GPR19: variants seen among roughly 807,000 people sequenced by gnomAD.
GPR19 encodes probable G protein-coupled receptor 19.
Under a neutral mutation model 28.5 loss-of-function variants are expected in GPR19, and 14 were observed. That is an observed-to-expected ratio of 0.49 (90% CI 0.32 to 0.77). The LOEUF (loss-of-function observed/expected upper bound fraction) is 0.77. Among genes scored for constraint, GPR19 ranks in the 30% least tolerant of loss-of-function variants. The probability of loss-of-function intolerance (pLI) is 0.03; values close to 1 mark genes in which losing one functional copy is unlikely to be tolerated. For missense variants in GPR19, 409 were observed against 504.1 expected (o/e 0.81, Z 1.81); for synonymous variants, 173 against 184.1 (o/e 0.94, Z 0.49).
At chr12:12,694,072 G>A (rs1160370788) in intron 2 of GPR19, among the ~76,000 whole-genome samples, 1 of 151,788 alleles carries the variant, frequency 6.6e-6, no homozygotes, top group Non-Finnish European at 1.5e-5. Context: ...AAGTACTGAT[G>A]TCTGGGCTCC....
the GPR19 span, chr12:12,717,136 G>A: frequency 1.3e-5 from 13 of 1,022,390 alleles, no homozygotes; most frequent in Non-Finnish European, 4.7e-6. Context: ...TAATTTCTCC[G>A]AGGCCAGCCA....
In GPR19 at chr12:12,660,983, A is replaced by G; in HGVS notation, c.*218T>C. The stretch of plus-strand genomic sequence containing the variant: ...GCATGTAACTAATATATTAATAGTA[A>G]AAGGACTGTTGGCTAAAGTTCAAAG... On this transcript the variant is annotated 3_prime_UTR_variant, in exon 4 of 4. Transcript: ENST00000651487. 2.1e-6 allele frequency: 1 copy of G among 477,896 alleles called. No homozygotes were observed. Among genetic ancestry groups the G allele is most frequent in the Non-Finnish European group, 3.7e-6 (1 of 273,436 alleles). 29.6% of individuals were successfully genotyped at this position (477,896 alleles called of 1,614,324 possible). A position where few individuals can be genotyped will look rare whatever the true frequency, so the allele number is the denominator to read the frequency against.
chr12:12,713,174 C>T, the GPR19 span, among the ~76,000 whole-genome samples: 1 of 150,928 alleles, frequency 6.6e-6, no homozygotes, highest in Non-Finnish European at 1.5e-5. Context: ...AAGCAATTCT[C>T]CTGCCTCAGC....
chr12:12,667,093 G>A (rs1238136722), intron 3 of GPR19, among the ~76,000 whole-genome samples: 2 of 152,164 alleles, frequency 1.3e-5, no homozygotes, highest in Non-Finnish European at 2.9e-5. Context: ...CTTCAAGGGG[G>A]TGTTTCTGAA....
chr12:12,661,999 A>C lies in GPR19; in HGVS notation c.450T>G (p.Gly150=). 6.2e-7 allele frequency: 1 copy of C among 1,614,222 alleles called. No individual in the cohort carries two copies. The highest frequency in any genetic ancestry group is 8.5e-7 in the Non-Finnish European group (1 of 1,180,024). ...TGGAGAGGAGAACGTAGATCTGGACACCTGGAGTGAGATATTGAAAATATC... is the reference window on the plus strand; with the variant it reads ...TGGAGAGGAGAACGTAGATCTGGACCCCTGGAGTGAGATATTGAAAATATC... ...VVRYFQYLTP[G]VQIYVLLSIC... is the part of the protein sequence containing the mutation. The change falls in exon 4 of 4, where the codon GGT becomes GGG. Residue 150 remains glycine (G), a synonymous_variant. Coordinates refer to ENST00000651487, the MANE Select transcript of GPR19 (RefSeq NM_006143.3). The surrounding 1 kb of genome is among the most constrained non-coding windows in gnomAD (Gnocchi z 4.2).
intron 3 of GPR19, among the ~76,000 whole-genome samples, chr12:12,679,428 CAAAAAAAA>C (rs3080711): frequency 8.1e-6 from 1 of 124,006 alleles, no homozygotes; most frequent in Non-Finnish European, 1.7e-5. Context: ...CTGTCTCTAT[CAAAAAAAA>C]AAAAAAAAAA....
chr12:12,692,831 C>T (rs185149591), intron 2 of GPR19, among the ~76,000 whole-genome samples: 1 of 152,094 alleles, frequency 6.6e-6, no homozygotes, highest in Non-Finnish European at 1.5e-5. Context: ...GGCTCTAGTC[C>T]TGGCTCACTC....
chr12:12,691,716 C>T (rs139366998), intron 2 of GPR19, among the ~76,000 whole-genome samples: 104 of 152,260 alleles, frequency 6.8e-4, no homozygotes, highest in African/African-American at 2.4e-3. Context: ...AGGTGCTCAG[C>T]GACAGTGTAC....
chr12:12,662,822 G>A (rs534959675), intron 3 of GPR19, among the ~76,000 whole-genome samples: 27 of 152,378 alleles, frequency 1.8e-4, no homozygotes, highest in African/African-American at 6.3e-4. Context: ...TGGTAACGGT[G>A]TTACCACCAA....
chr12:12,697,463 C>A (rs1015765186), upstream of GPR19, among the ~76,000 whole-genome samples: 2 of 152,084 alleles, frequency 1.3e-5, no homozygotes, highest in African/African-American at 4.8e-5. Context: ...CAAAAAACAA[C>A]CTTAAATAAC....
At chr12:12,694,485 C>A (rs1279632243) in intron 2 of GPR19, among the ~76,000 whole-genome samples, 2 of 151,666 alleles carry the variant, frequency 1.3e-5, no homozygotes, top group African/African-American at 4.9e-5. Context: ...AGATTACAGG[C>A]GTGAGCTACC....
At chr12:12,707,989 CTTTTTTTTTTTTTTTT>C in the GPR19 span, among the ~76,000 whole-genome samples, 14 of 62,464 alleles carry the variant, frequency 2.2e-4, no homozygotes, top group Admixed American at 2.5e-4. Flanking sequence ...ATTTCCTATT[CTTTTTTTTTTTTTTTT>C]TTTTTTTTTT....
At chr12:12,716,413 G>T in the GPR19 span, among the ~76,000 whole-genome samples, 9 of 152,170 alleles carry the variant, frequency 5.9e-5, no homozygotes, top group African/African-American at 2.2e-4. Context: ...GCTGGACTCA[G>T]GTAGAGGAAA....
chr12:12,695,398 G>T (rs1462461472), intron 2 of GPR19, 61 bp downstream of exon 2: 1 of 152,244 alleles, frequency 6.6e-6, no homozygotes, highest in Non-Finnish European at 1.5e-5. Context: ...GCTGGTGAGA[G>T]GTGGGAGGGG....
the GPR19 span, among the ~76,000 whole-genome samples, chr12:12,714,580 C>T: frequency 6.6e-6 from 1 of 152,214 alleles, no homozygotes; most frequent in Non-Finnish European, 1.5e-5. Flanking sequence ...ACCAAAACAT[C>T]ACGCAGGACT....
intron 3 of GPR19, among the ~76,000 whole-genome samples, chr12:12,670,938 G>T (rs1460784079): frequency 6.6e-6 from 1 of 152,040 alleles, no homozygotes; most frequent in Admixed American, 6.6e-5. Flanking sequence ...ACTTTTTAAG[G>T]TATCCTACAT....
chr12:12,710,354 C>CCAA, the GPR19 span, among the ~76,000 whole-genome samples: 1 of 132,924 alleles, frequency 7.5e-6, no homozygotes, highest in African/African-American at 2.8e-5. Flanking sequence ...GCTCCATCTC[C>CCAA]AAAAAAAAAA....
chr12:12,708,908 G>A, the GPR19 span, among the ~76,000 whole-genome samples: 2 of 152,096 alleles, frequency 1.3e-5, no homozygotes, highest in Non-Finnish European at 2.9e-5. Flanking sequence ...TTAGCTGGGC[G>A]TGGTGGCACA....
chr12:12,672,727 AC>A (rs1945872142), intron 3 of GPR19, among the ~76,000 whole-genome samples: 1 of 152,120 alleles, frequency 6.6e-6, no homozygotes, highest in African/African-American at 2.4e-5. Flanking sequence ...AGCCTGGGTA[AC>A]AGAACAAGAC....
Sources: gnomAD v4.1 joint callset for allele counts (sites outside exome capture counted in the v4.1 genomes callset) on GRCh38, gnomAD v4.1.1 for gene constraint, Gnocchi (gnomAD v3.1) non-coding constraint, MANE v1.5 for transcripts, NCBI Gene and HGNC (gene_info 2026-07-23, HGNC 2026-07-21) for gene names.